Variants in DAB1 observed in about 807,000 individuals in gnomAD.
DAB1 encodes the protein disabled homolog 1.
In DAB1, 15 loss-of-function variants were observed where a neutral mutation model predicts 64.6. That is an observed-to-expected ratio of 0.23 (90% confidence interval 0.16 to 0.36). The LOEUF (loss-of-function observed/expected upper bound fraction) is 0.36. DAB1 is among the 10% of genes least tolerant of loss of function. The pLI, the probability that DAB1 is intolerant of heterozygous loss-of-function variation, is 1.00. For synonymous variants in DAB1, 235 were observed against 251.9 expected (o/e 0.93, Z 0.64); for missense variants, 596 against 706.7 (o/e 0.84, Z 1.78).
At chr1:58,236,109 G>A (rs796103304) in intron 4 of DAB1, among the ~76,000 whole-genome samples, 1,718 of 32,616 alleles carry the variant, frequency 0.053, 29 homozygotes, top group African/African-American at 0.15. Context: ...CCGCCCCCCC[G>A]CCCCACCCCG....
chr1:57,889,222 A>T (rs1392035306), intron 5 of DAB1, among the ~76,000 whole-genome samples: 1 of 152,194 alleles, frequency 6.6e-6, no homozygotes, highest in Non-Finnish European at 1.5e-5. Flanking sequence ...TGTCCTTGAA[A>T]CCTGTTTCTG....
At chr1:58,180,059 T>C (rs6666519) in intron 4 of DAB1, among the ~76,000 whole-genome samples, 8 of 151,838 alleles carry the variant, frequency 5.3e-5, no homozygotes, top group Admixed American at 5.3e-4. Flanking sequence ...ATATAGGTGG[T>C]TATATGCAAA....
chr1:57,959,258 T>G (rs959846990), intron 5 of DAB1, among the ~76,000 whole-genome samples: 7 of 152,214 alleles, frequency 4.6e-5, no homozygotes, highest in Non-Finnish European at 1.0e-4. Context: ...ATAGGGCCAG[T>G]GCAAGGGTCA....
chr1:58,317,894 C>T (rs894554043), intron 4 of DAB1, among the ~76,000 whole-genome samples: 1 of 152,182 alleles, frequency 6.6e-6, no homozygotes, highest in African/African-American at 2.4e-5. Flanking sequence ...ACATGTTTCC[C>T]CATCTGTATA....
intron 7 of DAB1, among the ~76,000 whole-genome samples, chr1:57,601,497 G>A (rs1327468359): frequency 6.6e-6 from 1 of 152,160 alleles, no homozygotes; most frequent in Non-Finnish European, 1.5e-5. Context: ...GAACCTGGGA[G>A]GCAGAGGTTG....
chr1:57,294,326 C>T (rs1231695393), intron 1 of DAB1, among the ~76,000 whole-genome samples: 1 of 152,140 alleles, frequency 6.6e-6, no homozygotes, highest in East Asian at 1.9e-4. Context: ...ATGAGCTCTT[C>T]AAATCTAAAT....
intron 1 of DAB1, among the ~76,000 whole-genome samples, chr1:57,317,884 T>C (rs1157527771): frequency 6.6e-6 from 1 of 152,130 alleles, no homozygotes; most frequent in Non-Finnish European, 1.5e-5. Flanking sequence ...AGAATGACAA[T>C]GGAAGTCATT....
intron 5 of DAB1, among the ~76,000 whole-genome samples, chr1:58,081,159 G>C (rs1649970191): frequency 6.6e-6 from 1 of 152,140 alleles, no homozygotes; most frequent in Non-Finnish European, 1.5e-5. Flanking sequence ...AAATAGCACT[G>C]AACCAGGTTT....
chr1:57,993,776 C>G (rs1468811514), intron 5 of DAB1, among the ~76,000 whole-genome samples: 6 of 152,098 alleles, frequency 3.9e-5, no homozygotes, highest in Admixed American at 6.6e-5. Flanking sequence ...TTGGCCTAGA[C>G]CCTTATTCAA....
At chr1:58,125,502 T>G (rs1235188688) in intron 5 of DAB1, among the ~76,000 whole-genome samples, 1 of 151,744 alleles carries the variant, frequency 6.6e-6, no homozygotes, top group Non-Finnish European at 1.5e-5. Flanking sequence ...GTGCAGTGTT[T>G]GCAATCACAG....
In DAB1 at chr1:57,036,108, T is replaced by A. The variant is rs181926528; in HGVS notation, c.724-10065A>T. On this transcript the variant is annotated intron_variant, in intron 9 of 14. Transcript: ENST00000371236. ...CCTCAGCCACCAAGCCCAGCCCCAA[T>A]GCACATATTTTTTTAATGCTAGGAA... is the stretch of plus-strand genomic sequence containing the variant. Among the ~76,000 whole-genome samples the A allele has an allele frequency of 5.2e-3, 620 of 118,852 alleles. 7 individuals are homozygous for A. Among genetic ancestry groups the A allele is most frequent in the African/African-American group, 0.021 (597 of 29,080 alleles). The allele number at this position is 118,852 out of a possible 152,430, so 78.0% of individuals were successfully genotyped here. A position where few individuals can be genotyped will look rare whatever the true frequency, so the allele number is the denominator to read the frequency against.
intron 2 of DAB1, among the ~76,000 whole-genome samples, chr1:57,222,387 T>C (rs1391113559): frequency 6.6e-6 from 1 of 152,130 alleles, no homozygotes; most frequent in Non-Finnish European, 1.5e-5. Context: ...AGAGGAAACA[T>C]GGGAGCAATA....
At chr1:58,243,101 G>C (rs1347692711) in intron 4 of DAB1, among the ~76,000 whole-genome samples, 1 of 152,110 alleles carries the variant, frequency 6.6e-6, no homozygotes, top group Non-Finnish European at 1.5e-5. Flanking sequence ...GTGACACCAT[G>C]TGTTGCACTC....
At chr1:57,571,212 T>C (rs1368947233) in intron 7 of DAB1, among the ~76,000 whole-genome samples, 3 of 152,202 alleles carry the variant, frequency 2.0e-5, no homozygotes, top group African/African-American at 7.2e-5. Context: ...TCTTATCTGG[T>C]TGCTCTGGCT....
At chr1:57,180,649 C>T (rs553425396) in intron 2 of DAB1, among the ~76,000 whole-genome samples, 8 of 152,182 alleles carry the variant, frequency 5.3e-5, no homozygotes, top group Non-Finnish European at 1.2e-4. Context: ...TACACTTCCA[C>T]TGAAATGCAA....
chr1:57,775,380 T>A (rs1032538802), intron 6 of DAB1, among the ~76,000 whole-genome samples: 1 of 151,638 alleles, frequency 6.6e-6, no homozygotes, highest in Non-Finnish European at 1.5e-5. Flanking sequence ...CTTTAGACCC[T>A]ATTTTTCTAA....
chr1:57,533,932 A>G (rs1442342230), intron 7 of DAB1, among the ~76,000 whole-genome samples: 1 of 152,148 alleles, frequency 6.6e-6, no homozygotes, highest in Non-Finnish European at 1.5e-5. Flanking sequence ...AACCAATTCT[A>G]TTGTAAATAC....
chr1:57,684,996 C>T (rs1266531803), intron 6 of DAB1, among the ~76,000 whole-genome samples: 1 of 151,472 alleles, frequency 6.6e-6, no homozygotes, highest in Non-Finnish European at 1.5e-5. Flanking sequence ...CTCTGTCACC[C>T]AGGCTGGAGT....
chr1:57,412,203 G>A (rs1470822306), intron 1 of DAB1, among the ~76,000 whole-genome samples: 1 of 152,158 alleles, frequency 6.6e-6, no homozygotes, highest in Non-Finnish European at 1.5e-5. Flanking sequence ...CCACTGACTG[G>A]CAGTTCCCCC....
Sources: allele counts gnomAD v4.1 joint callset (sites outside exome capture counted in the v4.1 genomes callset), GRCh38; gene constraint gnomAD v4.1.1; transcripts MANE v1.5; gene names NCBI Gene and HGNC (gene_info 2026-07-23, HGNC 2026-07-21).